The following DRAM2 variants were observed in gnomAD, a reference collection of about 807,000 sequenced individuals.
The protein encoded by DRAM2 is DNA damage-regulated autophagy modulator protein 2.
In DRAM2, 26 loss-of-function variants were observed where a neutral mutation model predicts 33.5. The observed-to-expected ratio is 0.78, with a 90% CI of 0.57 to 1.08. DRAM2 has a LOEUF of 1.08. Among genes scored for constraint, DRAM2 ranks in the 50% least tolerant of loss-of-function variants. The pLI is 0.00. For missense variants in DRAM2, 311 were observed against 318.1 expected, an observed-to-expected ratio of 0.98 and a Z score of 0.17; for synonymous variants, 98 against 109.5, an observed-to-expected ratio of 0.89 and a Z score of 0.66.
intron 4 of DRAM2, among the ~76,000 whole-genome samples, chr1:111,128,823 A>G (rs1651521213): frequency 6.6e-6 from 1 of 152,198 alleles, no homozygotes; most frequent in African/African-American, 2.4e-5. Flanking sequence ...GGCTGTATTA[A>G]AAGTTTTTCA....
rs549964376 is a variant in DRAM2, at chr1:111,129,434, G to A, written c.131+1990C>T. On this transcript the variant is annotated intron_variant, in intron 4 of 9. Transcript: ENST00000484310. ...TTGCTTAATCATATTTAATAATAAC[G>A]TTTTAATAATTATGTTTCCTTCATC... Among the ~76,000 whole-genome samples the A allele has an allele frequency of 7.9e-5, 12 of 152,136 alleles. No homozygotes were observed. The East Asian group carries it at 1.5e-3, about 20-fold the overall frequency.
chr1:111,126,124 C>T, intron 5 of DRAM2, 103 bp downstream of exon 5: 1 of 729,586 alleles, frequency 1.4e-6, no homozygotes, highest in South Asian at 1.7e-5. Flanking sequence ...AACATACTCT[C>T]AAGTATAACT....
intron 2 of DRAM2, 102 bp downstream of exon 2, chr1:111,139,399 C>G (rs1557909766): frequency 6.6e-6 from 1 of 152,236 alleles, no homozygotes; most frequent in Non-Finnish European, 1.5e-5. Flanking sequence ...GTGCAGAAGA[C>G]TGAGCTTCGT....
chr1:111,132,679 C>A (rs1557899382), intron 3 of DRAM2, among the ~76,000 whole-genome samples: 1 of 136,772 alleles, frequency 7.3e-6, no homozygotes, highest in Non-Finnish European at 1.5e-5. Context: ...GGTTTTTCTT[C>A]CTCTTTTTTT....
At chr1:111,136,409 A>G (rs1044143833) in intron 3 of DRAM2, among the ~76,000 whole-genome samples, 7 of 152,190 alleles carry the variant, frequency 4.6e-5, no homozygotes, top group Admixed American at 3.3e-4. Flanking sequence ...TACTAAAAAT[A>G]CAAAAATTAG....
chr1:111,119,229 C>A (rs531245482), intron 8 of DRAM2, among the ~76,000 whole-genome samples: 3 of 152,036 alleles, frequency 2.0e-5, no homozygotes, highest in Admixed American at 2.0e-4. Flanking sequence ...AAAAGTTTAA[C>A]AATGCTCAGA....
intron 6 of DRAM2, among the ~76,000 whole-genome samples, chr1:111,123,275 G>A (rs1650374559): frequency 6.6e-6 from 1 of 151,972 alleles, no homozygotes; most frequent in Non-Finnish European, 1.5e-5. Context: ...TTTTCTCCAG[G>A]GTCCATTTTT....
intron 3 of DRAM2, among the ~76,000 whole-genome samples, chr1:111,132,680 C>T (rs1652339856): frequency 7.4e-6 from 1 of 135,454 alleles, no homozygotes. Flanking sequence ...GTTTTTCTTC[C>T]TCTTTTTTTT....
chr1:111,119,384 T>G (rs553955372), intron 8 of DRAM2, among the ~76,000 whole-genome samples: 192 of 152,158 alleles, frequency 1.3e-3, no homozygotes, highest in African/African-American at 4.5e-3. Flanking sequence ...CCAAGTGGTT[T>G]GTGAAAACAG....
chr1:111,118,317 A>G, intron 9 of DRAM2, 50 bp from the exon 10 acceptor site: 1 of 1,280,104 alleles, frequency 7.8e-7, no homozygotes, highest in Non-Finnish European at 1.1e-6. Context: ...TTAAAGAGAG[A>G]TCACTCCTTC....
At chr1:111,129,611 T>C (rs939318210) in intron 4 of DRAM2, among the ~76,000 whole-genome samples, 1 of 152,114 alleles carries the variant, frequency 6.6e-6, no homozygotes, top group African/African-American at 2.4e-5. Flanking sequence ...AAATGTCAAA[T>C]GAAAAATGTA....
At chr1:111,128,429 G>T (rs1651449426) in intron 4 of DRAM2, among the ~76,000 whole-genome samples, 2 of 152,048 alleles carry the variant, frequency 1.3e-5, no homozygotes, top group Admixed American at 6.5e-5. Flanking sequence ...GCTTTTTAAA[G>T]AAAATCACAT....
chr1:111,122,275 T>C (rs1650191268), intron 6 of DRAM2, among the ~76,000 whole-genome samples: 1 of 152,172 alleles, frequency 6.6e-6, no homozygotes. Flanking sequence ...AAGAAATGAT[T>C]CAAGGAATGT....
intron 6 of DRAM2, among the ~76,000 whole-genome samples, chr1:111,121,545 G>A (rs1374387912): frequency 6.6e-6 from 1 of 152,094 alleles, no homozygotes; most frequent in African/African-American, 2.4e-5. Flanking sequence ...AATTTCGTAT[G>A]AAGAAAAAAA....
At position 111,117,894 on chromosome 1, in the gene DRAM2, A is replaced by G; in HGVS notation, c.*266T>C. The G allele has an allele frequency of 2.3e-6, 1 of 432,102 alleles. No homozygotes were observed. The highest frequency in any genetic ancestry group is 4.6e-5 in the East Asian group (1 of 21,786). 26.8% of individuals were successfully genotyped at this position (432,102 alleles called of 1,614,324 possible). A position where few individuals can be genotyped will look rare whatever the true frequency, so the allele number is the denominator to read the frequency against. ...GGTTGTTTCTCTTAAATAAGGTATAAAAAACTATGATATCATAGTCTTTTG... is the reference window on the plus strand; with the variant it reads ...GGTTGTTTCTCTTAAATAAGGTATAGAAAACTATGATATCATAGTCTTTTG... On this transcript the variant is annotated 3_prime_UTR_variant, in exon 10 of 10. Coordinates refer to ENST00000484310, the MANE Select transcript of DRAM2 (RefSeq NM_001349884.2).
intron 6 of DRAM2, chr1:111,122,571 C>G (rs985472916): frequency 1.3e-5 from 2 of 151,682 alleles, no homozygotes; most frequent in Non-Finnish European, 2.9e-5. Flanking sequence ...GAGTTTGTCT[C>G]CATAAAAGAA....
intron 3 of DRAM2, among the ~76,000 whole-genome samples, chr1:111,134,253 TC>T (rs1283587178): frequency 6.6e-6 from 1 of 152,018 alleles, no homozygotes; most frequent in African/African-American, 2.4e-5. Flanking sequence ...ATTAGAATAC[TC>T]CTATGAATGT....
intron 7 of DRAM2, 141 bp from the exon 8 acceptor site, chr1:111,120,100 G>A: frequency 2.8e-6 from 2 of 726,340 alleles, no homozygotes; most frequent in Non-Finnish European, 4.5e-6. Flanking sequence ...ACACAGCAGT[G>A]GTACTGTAAA....
chr1:111,120,381 CAAAAAAAAAAAAAAAAAAAAAAAAAAAA>C (rs200318036), intron 7 of DRAM2, 107 bp downstream of exon 7: 3 of 173,200 alleles, frequency 1.7e-5, no homozygotes, highest in African/African-American at 4.2e-5. Context: ...ATCTCTCCTA[CAAAAAAAAAAAAAAAAAAAAAAAAAAAA>C]AAAAAAAAAA....
Sources: gnomAD v4.1 joint callset for allele counts (sites outside exome capture counted in the v4.1 genomes callset) on GRCh38, gnomAD v4.1.1 for gene constraint, MANE v1.5 for transcripts, NCBI Gene and HGNC (gene_info 2026-07-23, HGNC 2026-07-21) for gene names.